RIMS2: variants seen among roughly 807,000 people sequenced by gnomAD.
RIMS2 encodes the protein regulating synaptic membrane exocytosis 2, also known as regulating synaptic membrane exocytosis protein 2.
In RIMS2, 59 loss-of-function variants were observed where a neutral mutation model predicts 174.4. The ratio of observed to expected loss-of-function variants is 0.34; its 90% CI spans 0.27 to 0.42. The LOEUF (loss-of-function observed/expected upper bound fraction) is 0.42. Ranked by LOEUF, RIMS2 falls within the 10% of genes least tolerant of loss-of-function variation. RIMS2 has a pLI of 1.00. For synonymous variants in RIMS2, 606 were observed against 572.5 expected, an observed-to-expected ratio of 1.06 and a Z score of -0.84; for missense variants, 1,620 against 1,666.3, an observed-to-expected ratio of 0.97 and a Z score of 0.48.
rs367967716 is a variant in RIMS2 at position 103,942,920 on chromosome 8, T to C, written c.2695T>C (p.Leu899=). The C allele has an allele frequency of 1.9e-5, 30 of 1,602,756 alleles. No individual in the cohort carries two copies. The East Asian group carries it at 3.6e-4, about 19-fold the overall frequency. ...CCATGGAGAGAGCCCAACACGGAGG[T>C]TGCAAAGTAAGTTTTACTAAAATTC... is the stretch of plus-strand genomic sequence containing the variant. Residue 899 remains leucine, a synonymous_variant, in exon 14 of 24, where the codon TTG becomes CTG. Transcript: ENST00000504942.
chr8:104,166,931 T>C (rs1173345512), intron 19 of RIMS2, among the ~76,000 whole-genome samples: 4 of 152,144 alleles, frequency 2.6e-5, no homozygotes, highest in Non-Finnish European at 5.9e-5. Context: ...TCCAGCTCCG[T>C]TGAAGTTACT....
intron 2 of RIMS2, among the ~76,000 whole-genome samples, chr8:103,753,367 G>A (rs1200114206): frequency 6.6e-6 from 1 of 152,210 alleles, no homozygotes; most frequent in Non-Finnish European, 1.5e-5. Context: ...TTGCATCGAT[G>A]TTCATCAAGG....
At chr8:104,223,760 C>T (rs761466768) in intron 19 of RIMS2, 22 of 1,596,096 alleles carry the variant, frequency 1.4e-5, no homozygotes, top group Non-Finnish European at 1.6e-5. Context: ...CGGCTACTTT[C>T]CCTGCATGAA....
chr8:103,835,652 C>G (rs913286762), intron 3 of RIMS2, among the ~76,000 whole-genome samples: 1 of 152,068 alleles, frequency 6.6e-6, no homozygotes, highest in African/African-American at 2.4e-5. Flanking sequence ...GGAATCTGTT[C>G]TTTTATATTT....
chr8:103,768,208 T>A, intron 3 of RIMS2: 2 of 387,192 alleles, frequency 5.2e-6, no homozygotes, highest in South Asian at 2.7e-5. Flanking sequence ...AAAAAATGAG[T>A]GAATGAATGA....
At chr8:103,850,836 C>A (rs1409972866) in intron 3 of RIMS2, among the ~76,000 whole-genome samples, 1 of 151,894 alleles carries the variant, frequency 6.6e-6, no homozygotes, top group Non-Finnish European at 1.5e-5. Context: ...ATTTAGAATC[C>A]TATATGTTTC....
chr8:103,951,971 T>C (rs2085507408), intron 14 of RIMS2, among the ~76,000 whole-genome samples: 1 of 152,192 alleles, frequency 6.6e-6, no homozygotes, highest in African/African-American at 2.4e-5. Flanking sequence ...CCTCACAGTG[T>C]AAACAAAGCG....
intron 13 of RIMS2, 142 bp downstream of exon 15, chr8:103,936,864 G>C (rs2081364330): frequency 1.9e-6 from 1 of 534,394 alleles, no homozygotes; most frequent in Non-Finnish European, 3.2e-6. Flanking sequence ...GGGAGGCCGA[G>C]GGGGGCGGAT....
intron 1 of RIMS2, among the ~76,000 whole-genome samples, chr8:103,601,913 A>G (rs1588692056): frequency 6.6e-6 from 1 of 152,226 alleles, no homozygotes; most frequent in African/African-American, 2.4e-5. Context: ...ATAAACAAAC[A>G]AACTTGACAA....
chr8:104,077,730 G>A (rs2097326087), intron 19 of RIMS2, among the ~76,000 whole-genome samples: 1 of 145,756 alleles, frequency 6.9e-6, no homozygotes, highest in Non-Finnish European at 1.5e-5. Flanking sequence ...TGTAAACACA[G>A]ATGTATAAAT....
rs535445904 is a variant in RIMS2 at position 104,165,976 on chromosome 8, G to A, written c.3335-78940G>A. 6.6e-5 allele frequency among the ~76,000 whole-genome samples: 10 copies of A among 151,066 alleles called. No individual in the cohort carries two copies. The South Asian group carries it at 1.3e-3, about 19-fold the overall frequency. ...AGAAAGCTTAAATTCTATTAGGGAA[G>A]AGATGTTAGATAGCCTATCAGTGCA... On this transcript the variant is annotated intron_variant, in intron 19 of 23. Coordinates refer to ENST00000504942, the Ensembl canonical transcript of RIMS2.
chr8:104,212,405 A>G (rs913583619), intron 19 of RIMS2, among the ~76,000 whole-genome samples: 91 of 152,294 alleles, frequency 6.0e-4, no homozygotes, highest in African/African-American at 2.1e-3. Flanking sequence ...AACTTACAAG[A>G]ATGTAATCCT....
At position 104,225,065 on chromosome 8, in the gene RIMS2, G is replaced by A. The variant is rs955615246; in HGVS notation, c.3335-19851G>A. ...AAATTCTAGGAAATGTAAACAAGTC[G>A]AGAAGTAAATTAAATTGAGTAAATG... On this transcript the variant is annotated intron_variant, in intron 19 of 23. Coordinates refer to ENST00000504942, the Ensembl canonical transcript of RIMS2. Among the ~76,000 whole-genome samples, 4 of 152,258 alleles carry A rather than the reference G, an allele frequency of 2.6e-5. No individual in the cohort carries two copies. In the South Asian group the frequency reaches 6.2e-4, roughly 24 times the overall value.
chr8:104,167,320 C>A (rs1402893344), intron 19 of RIMS2, among the ~76,000 whole-genome samples: 1 of 152,098 alleles, frequency 6.6e-6, no homozygotes, highest in African/African-American at 2.4e-5. Context: ...CTCCTCCAGC[C>A]ACATCCATGC....
At chr8:103,692,542 G>A (rs563070373) in intron 1 of RIMS2, among the ~76,000 whole-genome samples, 13 of 152,188 alleles carry the variant, frequency 8.5e-5, no homozygotes, top group Non-Finnish European at 1.5e-4. Context: ...AAGGCCCATG[G>A]CAAGTACTGC....
At chr8:103,816,744 G>A (rs527904006) in intron 3 of RIMS2, among the ~76,000 whole-genome samples, 5 of 152,270 alleles carry the variant, frequency 3.3e-5, no homozygotes, top group Non-Finnish European at 5.9e-5. Flanking sequence ...AGTATAGTGA[G>A]AGCTGGAAAA....
chr8:103,892,182 A>T (rs2099250204), intron 4 of RIMS2, among the ~76,000 whole-genome samples: 1 of 151,462 alleles, frequency 6.6e-6, no homozygotes, highest in Non-Finnish European at 1.5e-5. Context: ...AGAATATGTT[A>T]AAAATTCTTA....
At chr8:103,742,272 G>C (rs540387502) in intron 2 of RIMS2, among the ~76,000 whole-genome samples, 1 of 152,164 alleles carries the variant, frequency 6.6e-6, no homozygotes, top group South Asian at 2.1e-4. Flanking sequence ...ACCTAAATGT[G>C]AGTATTTACA....
chr8:103,726,132 A>G (rs1446633015), intron 2 of RIMS2, among the ~76,000 whole-genome samples: 2 of 152,206 alleles, frequency 1.3e-5, no homozygotes, highest in Non-Finnish European at 2.9e-5. Flanking sequence ...ATGGTGAGAA[A>G]GCAATATGCA....
Sources: gnomAD v4.1 joint callset for allele counts (sites outside exome capture counted in the v4.1 genomes callset) on GRCh38, gnomAD v4.1.1 for gene constraint, MANE v1.5 for transcripts, NCBI Gene and HGNC (gene_info 2026-07-23, HGNC 2026-07-21) for gene names.